PAX2: variants seen among roughly 807,000 people sequenced by gnomAD.
The protein encoded by PAX2 is paired box protein Pax-2.
Under a neutral mutation model 41.7 loss-of-function variants are expected in PAX2, and 9 were observed. That is an observed-to-expected ratio of 0.22 (90% CI 0.13 to 0.38). The LOEUF is 0.38. Among genes scored for constraint, PAX2 ranks in the 10% least tolerant of loss-of-function variants. PAX2 has a pLI of 1.00. For missense variants in PAX2, 418 were observed against 531.6 expected, an observed-to-expected ratio of 0.79 and a Z score of 2.10; for synonymous variants, 221 against 212.7, an observed-to-expected ratio of 1.04 and a Z score of -0.34.
Position 100,749,680 on chromosome 10 carries a change from G to C in PAX2, c.44-66G>C, listed in dbSNP as rs771246950. 22 of 1,565,122 alleles carry C rather than the reference G, an allele frequency of 1.4e-5. No homozygotes were observed. In the Admixed American group the frequency reaches 3.9e-4, roughly 28 times the overall value. On this transcript the variant is annotated intron_variant, in intron 1 of 9. Transcript: ENST00000355243. ...CTTCCTTCGCCCGTCCCGGGCCGCG[G>C]ACCCTGACTAATGGCCGGTCCCTGC...
chr10:100,792,874 T>C (rs949273467), intron 5 of PAX2, among the ~76,000 whole-genome samples: 5 of 152,206 alleles, frequency 3.3e-5, no homozygotes, highest in Non-Finnish European at 5.9e-5. Flanking sequence ...TGTTCGACAG[T>C]GTAAAATTAA....
intron 5 of PAX2, among the ~76,000 whole-genome samples, chr10:100,797,354 C>A (rs1350787240): frequency 6.6e-6 from 1 of 152,228 alleles, no homozygotes; most frequent in Non-Finnish European, 1.5e-5. Flanking sequence ...AGCTTAGCTG[C>A]CAGAGGCATG....
intron 3 of PAX2, among the ~76,000 whole-genome samples, chr10:100,761,394 C>T (rs1326432319): frequency 6.6e-6 from 1 of 152,104 alleles, no homozygotes. Context: ...CTGAACTTGG[C>T]TCTGTGGATC....
chr10:100,811,969 G>A (rs2133961638), intron 7 of PAX2, among the ~76,000 whole-genome samples: 1 of 152,368 alleles, frequency 6.6e-6, no homozygotes, highest in East Asian at 1.9e-4. Flanking sequence ...TGGCCCTGGA[G>A]GCTGATTTCA....
chr10:100,788,189 T>C (rs1846949550), intron 5 of PAX2, among the ~76,000 whole-genome samples: 1 of 152,280 alleles, frequency 6.6e-6, no homozygotes, highest in African/African-American at 2.4e-5. Context: ...ACTGCTAGTC[T>C]GTGCTGAGAT....
chr10:100,816,143 C>CAG (rs199777761), intron 7 of PAX2, among the ~76,000 whole-genome samples: 1 of 151,778 alleles, frequency 6.6e-6, no homozygotes, highest in East Asian at 1.9e-4. Context: ...CATCAGAGAT[C>CAG]AGAGAGAGAG....
rs148125352 is a variant in PAX2, at chr10:100,746,101, G to T, written c.-160G>T. On this transcript the variant is annotated 5_prime_UTR_variant, in exon 1 of 10. Coordinates refer to ENST00000355243, the MANE Select transcript of PAX2 (RefSeq NM_000278.5). ...ACCCGGAGGAGCCCCAGCGGGGAGC[G>T]CAGTGCTGCGCCCCCCGCCCCCGCG... The T allele has an allele frequency of 0.042, 65,021 of 1,543,896 alleles. 1,594 individuals are homozygous for T. The highest frequency in any genetic ancestry group is 0.08 in the Middle Eastern group (402 of 5,010).
intron 6 of PAX2, 106 bp downstream of exon 6, chr10:100,806,711 G>A (rs1847796014): frequency 2.1e-6 from 2 of 948,076 alleles, no homozygotes; most frequent in Admixed American, 1.7e-5. Flanking sequence ...CATTGTATGT[G>A]TTACACACGT....
chr10:100,745,889 G>A lies in PAX2; in HGVS notation c.-372G>A. ...CCGACCACCGCCTCTCGGATGACCAGGTTCCAGGGGAGCTGAGCGAGTCGC... is the reference window on the plus strand; with the variant it reads ...CCGACCACCGCCTCTCGGATGACCAAGTTCCAGGGGAGCTGAGCGAGTCGC... On this transcript the variant is annotated 5_prime_UTR_variant, in exon 1 of 10. Transcript: ENST00000355243. 2 of 1,129,682 alleles carry A rather than the reference G, an allele frequency of 1.8e-6. No individual in the cohort carries two copies. Among genetic ancestry groups the A allele is most frequent in the Non-Finnish European group, 2.2e-6 (2 of 922,942 alleles). The allele number at this position is 1,129,682 out of a possible 1,614,324, so 70.0% of individuals were successfully genotyped here. A position where few individuals can be genotyped will look rare whatever the true frequency, so the allele number is the denominator to read the frequency against.
chr10:100,774,923 A>G (rs1273058678), intron 3 of PAX2, among the ~76,000 whole-genome samples: 2 of 152,246 alleles, frequency 1.3e-5, no homozygotes, highest in Admixed American at 1.3e-4. Context: ...GGAAGTCCCC[A>G]TGCGGGGCCC....
chr10:100,807,410 C>T (rs943278442), intron 6 of PAX2, among the ~76,000 whole-genome samples: 16 of 150,138 alleles, frequency 1.1e-4, no homozygotes, highest in African/African-American at 3.7e-4. Flanking sequence ...CCACAGCCCA[C>T]GGTACTGTGC....
chr10:100,824,632 CT>C lies in PAX2; in HGVS notation c.920-13del, dbSNP rs776027363. ...TTTCTTCCAGGCCTCACCCCTTCCC[CT>C]TTGTGTTTTTCCAGGTCGTGACATG... On this transcript the variant is annotated splice_polypyrimidine_tract_variant and intron_variant, in intron 7 of 9. Coordinates refer to ENST00000355243, the MANE Select transcript of PAX2 (RefSeq NM_000278.5). The surrounding 1 kb of genome is among the most constrained non-coding windows in gnomAD (Gnocchi z 6.6). 2 of 1,562,726 alleles carry C rather than the reference CT, an allele frequency of 1.3e-6. No homozygotes were observed. Among genetic ancestry groups the C allele is most frequent in the East Asian group, 4.5e-5 (2 of 44,600 alleles).
intron 3 of PAX2, among the ~76,000 whole-genome samples, chr10:100,769,684 CAAA>C (rs1485992385): frequency 1.5e-5 from 2 of 134,088 alleles, no homozygotes; most frequent in African/African-American, 5.7e-5. Flanking sequence ...AAATAAAAAA[CAAA>C]AAACAAGAGT....
Position 100,824,826 on chromosome 10 carries a change from T to C in PAX2, c.1021+77T>C. The C allele has an allele frequency of 6.6e-7, 1 of 1,505,672 alleles. No homozygotes were observed. Among genetic ancestry groups the C allele is most frequent in the Non-Finnish European group, 9.2e-7 (1 of 1,081,230 alleles). 93.3% of individuals were successfully genotyped at this position (1,505,672 alleles called of 1,614,324 possible). ...GGGTGAGCTGCTGAATGGTCTGTAG[T>C]CTGAGGCTGGGGTGGGGGGAGACAC... is the stretch of plus-strand genomic sequence containing the variant. On this transcript the variant is annotated intron_variant, in intron 8 of 9. Transcript: ENST00000355243. The surrounding 1 kb of genome is among the most constrained non-coding windows in gnomAD (Gnocchi z 6.6).
At chr10:100,823,808 G>A (rs908691816) in intron 7 of PAX2, among the ~76,000 whole-genome samples, 5 of 152,204 alleles carry the variant, frequency 3.3e-5, no homozygotes, top group Non-Finnish European at 4.4e-5. Context: ...GCCCAGTCAT[G>A]TGCAGCTGTG....
intron 5 of PAX2, among the ~76,000 whole-genome samples, chr10:100,783,809 A>C (rs1846739932): frequency 6.6e-6 from 1 of 152,134 alleles, no homozygotes; most frequent in Non-Finnish European, 1.5e-5. Flanking sequence ...TCAAAGCAAG[A>C]GATTACGGTG....
chr10:100,822,897 G>A (rs1315142680), intron 7 of PAX2, among the ~76,000 whole-genome samples: 3 of 152,098 alleles, frequency 2.0e-5, no homozygotes, highest in Admixed American at 1.3e-4. Flanking sequence ...TAGACTACAG[G>A]GAATCAGTAA....
intron 7 of PAX2, among the ~76,000 whole-genome samples, chr10:100,810,797 G>T (rs1047358826): frequency 2.0e-5 from 3 of 152,218 alleles, no homozygotes; most frequent in Non-Finnish European, 4.4e-5. Context: ...TAGGGCTCCT[G>T]CCACAGGAGA....
upstream of PAX2, among the ~76,000 whole-genome samples, chr10:100,742,016 G>A (rs951462163): frequency 5.9e-5 from 9 of 152,160 alleles, no homozygotes; most frequent in Admixed American, 1.3e-4. Context: ...ATGCTCCCGC[G>A]GCCCCCTCCG....
Sources: gnomAD v4.1 joint callset for allele counts (sites outside exome capture counted in the v4.1 genomes callset) on GRCh38, gnomAD v4.1.1 for gene constraint, Gnocchi (gnomAD v3.1) non-coding constraint, MANE v1.5 for transcripts, NCBI Gene and HGNC (gene_info 2026-07-23, HGNC 2026-07-21) for gene names.